The following CLASP2 variants were observed in gnomAD, a reference collection of about 807,000 sequenced individuals.
CLASP2 encodes cytoplasmic linker associated protein 2, also known as CLIP-associating protein 2.
CLASP2 carries 47 observed loss-of-function variants against 194.4 expected under a neutral mutation model. The ratio of observed to expected loss-of-function variants is 0.24; its 90% CI spans 0.19 to 0.31. The LOEUF is 0.31. Ranked by LOEUF, CLASP2 falls within the 10% of genes least tolerant of loss-of-function variation. The pLI is 1.00. For synonymous variants in CLASP2, 619 were observed against 633.5 expected, an observed-to-expected ratio of 0.98 and a Z score of 0.34; for missense variants, 1,445 against 1,823.6, an observed-to-expected ratio of 0.79 and a Z score of 3.78.
chr3:33,584,681 G>A (rs1192095176), intron 22 of CLASP2, 69 bp downstream of exon 22: 3 of 1,364,578 alleles, frequency 2.2e-6, no homozygotes, highest in African/African-American at 1.5e-5. Context: ...AGTCTTCAAT[G>A]CTGCCAAAGC....
At chr3:33,687,005 A>C (rs1444940295) in intron 5 of CLASP2, 55 bp downstream of exon 5, 2 of 1,022,128 alleles carry the variant, frequency 2.0e-6, no homozygotes, top group East Asian at 5.6e-5. Flanking sequence ...AGAGGACTAG[A>C]AAAGAAATGG....
At chr3:33,548,388 C>G (rs2059475906) in intron 30 of CLASP2, among the ~76,000 whole-genome samples, 1 of 151,990 alleles carries the variant, frequency 6.6e-6, no homozygotes, top group Admixed American at 6.6e-5. Context: ...ACCTCTGCCT[C>G]CCAGGTTCAA....
Position 33,557,035 on chromosome 3 carries a change from A to G in CLASP2, c.3009+2272T>C, listed in dbSNP as rs139460008. ...GTCTCCCAAGCTGGAGTGCAGTGGC[A>G]TGATTTTGGCTCACTGCAACCTCCG... On this transcript the variant is annotated intron_variant, in intron 29 of 38. Transcript: ENST00000682230. Among the ~76,000 whole-genome samples, 389 of 149,660 alleles carry G rather than the reference A, an allele frequency of 2.6e-3. 15 individuals are homozygous for G. In the East Asian group the frequency reaches 0.073, roughly 28 times the overall value.
chr3:33,524,078 G>T (rs1188144020), intron 34 of CLASP2, among the ~76,000 whole-genome samples: 1 of 152,080 alleles, frequency 6.6e-6, no homozygotes, highest in African/African-American at 2.4e-5. Flanking sequence ...CATGACAGAA[G>T]TAAGTCCTTT....
intron 27 of CLASP2, among the ~76,000 whole-genome samples, chr3:33,564,950 G>GCA (rs370949093): frequency 2.8e-4 from 43 of 151,182 alleles, no homozygotes; most frequent in Middle Eastern, 3.4e-3. Context: ...ATGATCATAT[G>GCA]CACACACACA....
chr3:33,599,281 C>T (rs1231965794), intron 18 of CLASP2, among the ~76,000 whole-genome samples: 1 of 152,042 alleles, frequency 6.6e-6, no homozygotes, highest in African/African-American at 2.4e-5. Flanking sequence ...TGTGCTACCA[C>T]ACCTGGTTAA....
In CLASP2 at chr3:33,592,391, A is replaced by T. The variant is rs1293589618; in HGVS notation, c.2068+4T>A. 1 of 1,599,786 alleles carries T rather than the reference A, an allele frequency of 6.3e-7. No individual in the cohort carries two copies. The highest frequency in any genetic ancestry group is 1.7e-5 in the Admixed American group (1 of 59,834). ...ATATAGGAGGGCTGATAAGCAATAC[A>T]TACGCTGTGATTGAGACACCATTTT... On this transcript the variant is annotated splice_donor_region_variant and intron_variant, in intron 21 of 38. Coordinates refer to ENST00000682230, the MANE Select transcript of CLASP2 (RefSeq NM_001365631.1).
intron 18 of CLASP2, among the ~76,000 whole-genome samples, chr3:33,597,257 G>A (rs1015016816): frequency 6.6e-6 from 1 of 151,990 alleles, no homozygotes; most frequent in African/African-American, 2.4e-5. Flanking sequence ...TCTATTACTT[G>A]AGATGTCCCA....
intron 16 of CLASP2, among the ~76,000 whole-genome samples, chr3:33,605,430 T>G (rs959204533): frequency 6.6e-6 from 1 of 152,192 alleles, no homozygotes; most frequent in Non-Finnish European, 1.5e-5. Flanking sequence ...AATCAGATCA[T>G]AACTGCTTTT....
intron 7 of CLASP2, among the ~76,000 whole-genome samples, chr3:33,656,361 C>A (rs1246029246): frequency 1.3e-5 from 2 of 152,152 alleles, no homozygotes; most frequent in East Asian, 3.8e-4. Flanking sequence ...TGCTGAAAGG[C>A]ATCTACAGAG....
intron 37 of CLASP2, among the ~76,000 whole-genome samples, chr3:33,508,627 C>A (rs1226087267): frequency 1.3e-5 from 2 of 152,174 alleles, no homozygotes; most frequent in Non-Finnish European, 2.9e-5. Flanking sequence ...CCACACCTGG[C>A]CAAAAATAAT....
rs115182606 is a variant in CLASP2, at chr3:33,609,606, G to A, written c.1389-980C>T. ...TTTTTCCTCCACTTTCCCTTAAACA[G>A]ATGCTCACCTGGTTGGTACCAATAT... On this transcript the variant is annotated intron_variant, in intron 13 of 38. Coordinates refer to ENST00000682230, the MANE Select transcript of CLASP2 (RefSeq NM_001365631.1). Among the ~76,000 whole-genome samples, 1,267 of 152,166 alleles carry A rather than the reference G, an allele frequency of 8.3e-3. 21 individuals are homozygous for A. The highest frequency in any genetic ancestry group is 0.028 in the African/African-American group (1,147 of 41,520).
Position 33,688,357 on chromosome 3 carries a change from C to T in CLASP2, c.390G>A (p.Glu130=). 1 of 1,586,216 alleles carries T rather than the reference C, an allele frequency of 6.3e-7. No homozygotes were observed. The highest frequency in any genetic ancestry group is 8.6e-7 in the Non-Finnish European group (1 of 1,164,926). The part of the protein sequence containing the change: ...DQVAPPMYIW[E]QLASGFKHKN... ...TGTGTTTAAAACCAGAAGCCAACTG[C>T]TCCCAAATGTACTATTTGAAAGAAA... Residue 130 remains glutamate, a synonymous_variant, in exon 4 of 39, where the codon GAG becomes GAA. Coordinates refer to ENST00000682230, the MANE Select transcript of CLASP2 (RefSeq NM_001365631.1).
At position 33,713,012 on chromosome 3, in the gene CLASP2, C is replaced by CAGAAAAAAAAAAA. The variant is rs1559717375; in HGVS notation, c.195+4795_195+4796insTTTTTTTTTTTCT. Reference sequence around the variant, plus strand: ...GGGCGACAAGAGCAAAACTCCACCTCAAAAAAAAAAAAAAAAAAAAAAAAA... The same window carrying CAGAAAAAAAAAAA: ...GGGCGACAAGAGCAAAACTCCACCTCAGAAAAAAAAAAAAAAAAAAAAAAAAAAAAAAAAAAAA... On this transcript the variant is annotated intron_variant, in intron 1 of 38. Coordinates refer to ENST00000682230, the MANE Select transcript of CLASP2 (RefSeq NM_001365631.1). Among the ~76,000 whole-genome samples the CAGAAAAAAAAAAA allele has an allele frequency of 1.8e-3, 85 of 47,002 alleles. 1 individual carries two copies. Among genetic ancestry groups the CAGAAAAAAAAAAA allele is most frequent in the Non-Finnish European group, 3.0e-3 (71 of 23,700 alleles). The allele number at this position is 47,002 out of a possible 152,430, so 30.8% of individuals were successfully genotyped here. A position where few individuals can be genotyped will look rare whatever the true frequency, so the allele number is the denominator to read the frequency against.
At chr3:33,557,060 G>A (rs1007994668) in intron 29 of CLASP2, among the ~76,000 whole-genome samples, 1 of 150,440 alleles carries the variant, frequency 6.6e-6, no homozygotes, top group African/African-American at 2.4e-5. Flanking sequence ...TGCAACCTCC[G>A]CCTCTCCGGT....
intron 21 of CLASP2, among the ~76,000 whole-genome samples, chr3:33,589,516 T>G (rs1448427755): frequency 1.3e-5 from 2 of 152,052 alleles, no homozygotes; most frequent in Admixed American, 1.3e-4. Context: ...CATAATACCT[T>G]TTTTACAAAA....
chr3:33,563,484 A>T (rs911265187), intron 27 of CLASP2, among the ~76,000 whole-genome samples: 2 of 152,210 alleles, frequency 1.3e-5, no homozygotes, highest in African/African-American at 4.8e-5. Flanking sequence ...TTTCTGTAGT[A>T]GCCTGACTTT....
rs181533241 is a variant in CLASP2 at position 33,603,584 on chromosome 3, T to C, written c.1751-459A>G. ...CTCCATGGGAATGCAAATTAAGTCA[T>C]TCAATTTCTGGTCTTCAGTTTTTCA... On this transcript the variant is annotated intron_variant, in intron 17 of 38. Coordinates refer to ENST00000682230, the MANE Select transcript of CLASP2 (RefSeq NM_001365631.1). Among the ~76,000 whole-genome samples, 246 of 152,286 alleles carry C rather than the reference T, an allele frequency of 1.6e-3. 2 individuals carry two copies. The highest frequency in any genetic ancestry group is 5.6e-3 in the African/African-American group (232 of 41,568).
At chr3:33,623,464 C>G (rs2077454903) in intron 10 of CLASP2, among the ~76,000 whole-genome samples, 1 of 152,060 alleles carries the variant, frequency 6.6e-6, no homozygotes, top group Admixed American at 6.6e-5. Flanking sequence ...CATTATTCTA[C>G]TCTCTATCTC....
Sources: allele counts gnomAD v4.1 joint callset (sites outside exome capture counted in the v4.1 genomes callset), GRCh38; gene constraint gnomAD v4.1.1; transcripts MANE v1.5; gene names NCBI Gene and HGNC (gene_info 2026-07-23, HGNC 2026-07-21).